Variants in RABGAP1L observed in about 807,000 individuals in gnomAD.
RABGAP1L encodes the protein rab GTPase-activating protein 1-like.
In RABGAP1L, 63 loss-of-function variants were observed where a neutral mutation model predicts 137.7. That is an observed-to-expected ratio of 0.46 (90% confidence interval 0.37 to 0.56). RABGAP1L has a LOEUF of 0.56. RABGAP1L is among the 20% of genes least tolerant of loss of function. The pLI is 0.00. For missense variants in RABGAP1L, 1,095 were observed against 1,244.0 expected, an observed-to-expected ratio of 0.88 and a Z score of 1.80; for synonymous variants, 431 against 433.7, an observed-to-expected ratio of 0.99 and a Z score of 0.08.
chr1:174,962,493 A>G (rs1669245994), intron 20 of RABGAP1L, among the ~76,000 whole-genome samples: 1 of 152,300 alleles, frequency 6.6e-6, no homozygotes, highest in South Asian at 2.1e-4. Flanking sequence ...GTTTCCACAG[A>G]GTTTTTTCTT....
Position 174,383,465 on chromosome 1 carries a change from G to A in RABGAP1L, c.1560-10530G>A, listed in dbSNP as rs541928529. On this transcript the variant is annotated intron_variant, in intron 12 of 25. Transcript: ENST00000681986. ...AGATTCCGTTGGCGTAGGACCCTCT[G>A]AGCCAGGTGTGGGATATAATCTCGT... Among the ~76,000 whole-genome samples, 8 of 152,246 alleles carry A rather than the reference G, an allele frequency of 5.3e-5. No individual in the cohort carries two copies. The South Asian group carries it at 6.2e-4, about 12-fold the overall frequency.
At chr1:174,203,137 G>C (rs1435317595) in intron 1 of RABGAP1L, among the ~76,000 whole-genome samples, 1 of 151,968 alleles carries the variant, frequency 6.6e-6, no homozygotes, top group Non-Finnish European at 1.5e-5. Context: ...TATAATTTTG[G>C]GTTTTACACT....
chr1:174,249,141 A>G (rs1021577335), intron 5 of RABGAP1L, among the ~76,000 whole-genome samples: 1 of 152,176 alleles, frequency 6.6e-6, no homozygotes, highest in Admixed American at 6.5e-5. Flanking sequence ...ATATACATAT[A>G]TATGTATATA....
At chr1:174,263,922 G>A (rs932142364) in intron 7 of RABGAP1L, among the ~76,000 whole-genome samples, 8 of 151,712 alleles carry the variant, frequency 5.3e-5, no homozygotes, top group African/African-American at 1.9e-4. Context: ...CCTATAAATA[G>A]GATATGATTA....
chr1:174,282,668 CCTAT>C (rs1185224507), intron 10 of RABGAP1L, among the ~76,000 whole-genome samples: 2 of 151,614 alleles, frequency 1.3e-5, no homozygotes, highest in African/African-American at 2.4e-5. Context: ...TTTTTTGTGT[CCTAT>C]CTAAGGAAAT....
chr1:174,184,453 T>G (rs867057944), intron 1 of RABGAP1L, among the ~76,000 whole-genome samples: 2 of 152,168 alleles, frequency 1.3e-5, no homozygotes, highest in Non-Finnish European at 1.5e-5. Flanking sequence ...GTGTTTAGTT[T>G]TGTAAGAAAC....
intron 13 of RABGAP1L, among the ~76,000 whole-genome samples, chr1:174,520,894 G>T (rs1207570996): frequency 6.6e-6 from 1 of 152,134 alleles, no homozygotes; most frequent in Non-Finnish European, 1.5e-5. Context: ...CCAGCTACTT[G>T]GGAGGCTGAG....
At chr1:174,332,628 T>C (rs994843947) in intron 11 of RABGAP1L, among the ~76,000 whole-genome samples, 8 of 152,206 alleles carry the variant, frequency 5.3e-5, no homozygotes, top group Non-Finnish European at 7.4e-5. Context: ...ACTCTTGACC[T>C]CAAGTGATTC....
At chr1:174,537,644 A>G (rs1558318945) in intron 13 of RABGAP1L, among the ~76,000 whole-genome samples, 7 of 152,302 alleles carry the variant, frequency 4.6e-5, no homozygotes, top group Admixed American at 2.0e-4. Flanking sequence ...CTGTACTACT[A>G]TGGAGAGAGG....
intron 19 of RABGAP1L, among the ~76,000 whole-genome samples, chr1:174,890,790 A>G (rs1156334818): frequency 6.6e-6 from 1 of 152,006 alleles, no homozygotes; most frequent in Non-Finnish European, 1.5e-5. Context: ...TGATTTTTCT[A>G]TGTCAGTTCA....
intron 13 of RABGAP1L, among the ~76,000 whole-genome samples, chr1:174,434,116 C>T (rs1350999567): frequency 7.6e-6 from 1 of 130,814 alleles, no homozygotes; most frequent in Non-Finnish European, 1.6e-5. Context: ...CATACACACA[C>T]ACACACACAC....
rs1553267201 is a variant in RABGAP1L at position 174,863,241 on chromosome 1, A to AAAAAAAATG, written c.2340+51288_2340+51289insTGAAAAAAA. On this transcript the variant is annotated intron_variant, in intron 19 of 25. Transcript: ENST00000681986. The stretch of plus-strand genomic sequence containing the variant: ...ACATGAGTTGTTTGTAGCAAAAAAA[A>AAAAAAAATG]AAAAAAAGAAAAACAGTATATTTAA... Among the ~76,000 whole-genome samples the AAAAAAAATG allele has an allele frequency of 2.7e-5, 4 of 148,504 alleles. 1 individual carries two copies. The highest frequency in any genetic ancestry group is 5.9e-5 in the Non-Finnish European group (4 of 67,308).
intron 1 of RABGAP1L, among the ~76,000 whole-genome samples, chr1:174,211,191 G>A (rs1485532133): frequency 1.3e-5 from 2 of 152,124 alleles, no homozygotes; most frequent in African/African-American, 4.8e-5. Flanking sequence ...AAAAGACAGA[G>A]TATGGTAACA....
chr1:174,356,866 T>C (rs1435811164), intron 11 of RABGAP1L, among the ~76,000 whole-genome samples: 1 of 152,230 alleles, frequency 6.6e-6, no homozygotes, highest in Non-Finnish European at 1.5e-5. Context: ...CACTTGGTAC[T>C]ACTGTGTGTC....
intron 17 of RABGAP1L, among the ~76,000 whole-genome samples, chr1:174,734,526 G>A (rs1050982970): frequency 6.6e-6 from 1 of 152,084 alleles, no homozygotes; most frequent in African/African-American, 2.4e-5. Flanking sequence ...ACTAGAAGAA[G>A]GTAAGAATCC....
intron 14 of RABGAP1L, among the ~76,000 whole-genome samples, chr1:174,659,678 C>A (rs1246696714): frequency 6.6e-6 from 1 of 152,200 alleles, no homozygotes; most frequent in African/African-American, 2.4e-5. Flanking sequence ...CTGACCCCAA[C>A]CAATTCCTTG....
chr1:174,758,811 C>CT (rs1464464645), intron 18 of RABGAP1L, among the ~76,000 whole-genome samples: 1 of 152,124 alleles, frequency 6.6e-6, no homozygotes, highest in Non-Finnish European at 1.5e-5. Context: ...AAAGTCAAAA[C>CT]TGAAATAATG....
At chr1:174,896,526 C>T (rs1657207794) in intron 19 of RABGAP1L, among the ~76,000 whole-genome samples, 1 of 152,142 alleles carries the variant, frequency 6.6e-6, no homozygotes, top group East Asian at 1.9e-4. Flanking sequence ...TGCCTATGTC[C>T]TGAATGGTAT....
At chr1:174,440,961 C>T (rs1208730711) in intron 13 of RABGAP1L, among the ~76,000 whole-genome samples, 1 of 152,040 alleles carries the variant, frequency 6.6e-6, no homozygotes, top group African/African-American at 2.4e-5. Context: ...ATGGTCCTTT[C>T]TGGCTTTGCT....
Sources: gnomAD v4.1 joint callset for allele counts (sites outside exome capture counted in the v4.1 genomes callset) on GRCh38, gnomAD v4.1.1 for gene constraint, MANE v1.5 for transcripts, NCBI Gene and HGNC (gene_info 2026-07-23, HGNC 2026-07-21) for gene names.